SLC44A1: variants seen among roughly 807,000 people sequenced by gnomAD.
SLC44A1 encodes the protein choline transporter-like protein 1.
A neutral mutation model predicts 79.3 loss-of-function variants in SLC44A1; 26 were observed. The observed-to-expected ratio is 0.33, with a 90% CI of 0.24 to 0.46. SLC44A1 has a LOEUF of 0.46. Ranked by LOEUF, SLC44A1 falls within the 20% of genes least tolerant of loss-of-function variation. The pLI is 1.00. For synonymous variants in SLC44A1, 263 were observed against 286.2 expected (o/e 0.92, Z 0.82); for missense variants, 688 against 798.1 (o/e 0.86, Z 1.66).
At position 105,393,354 on chromosome 9, in the gene SLC44A1, T is replaced by C; in HGVS notation, c.*4298T>C. On this transcript the variant is annotated 3_prime_UTR_variant, in exon 16 of 16. Coordinates refer to ENST00000374720, the MANE Select transcript of SLC44A1 (RefSeq NM_080546.5). The stretch of plus-strand genomic sequence containing the variant: ...CCAAATTTTTAAAAAGCAAGACCCT[T>C]GAATATGCCAAGAGAAAATCTAAAG... 2 of 985,224 alleles carry C rather than the reference T, an allele frequency of 2.0e-6. No homozygotes were observed. The highest frequency in any genetic ancestry group is 2.4e-6 in the Non-Finnish European group (2 of 829,784). The allele number at this position is 985,224 out of a possible 1,614,324, so 61.0% of individuals were successfully genotyped here.
rs950466315 is a variant in SLC44A1, at chr9:105,283,989, C to A, written c.37-15231C>A. ...CCATGGTGCAGCCTCAGTTCAGTAG[C>A]CTGAATTGTCTATTCAGCAGTAAAA... On this transcript the variant is annotated intron_variant, in intron 1 of 15. Coordinates refer to ENST00000374720, the MANE Select transcript of SLC44A1 (RefSeq NM_080546.5). Among the ~76,000 whole-genome samples the A allele has an allele frequency of 3.3e-5, 5 of 152,124 alleles. No individual in the cohort carries two copies. In the East Asian group the frequency reaches 9.6e-4, roughly 29 times the overall value.
At chr9:105,364,435 T>C in intron 9 of SLC44A1, 120 bp from the exon 10 acceptor site, 1 of 743,486 alleles carries the variant, frequency 1.3e-6, no homozygotes, top group Non-Finnish European at 2.2e-6. Flanking sequence ...CTTTATGAAA[T>C]ACCACACAGA....
intron 15 of SLC44A1, among the ~76,000 whole-genome samples, chr9:105,409,320 C>A (rs1399937833): frequency 2.0e-5 from 3 of 152,236 alleles, no homozygotes; most frequent in East Asian, 3.9e-4. Flanking sequence ...GCCAGTAAGA[C>A]AAAAATTGTT....
At chr9:105,375,233 T>C (rs1424053760) in intron 13 of SLC44A1, among the ~76,000 whole-genome samples, 1 of 152,114 alleles carries the variant, frequency 6.6e-6, no homozygotes, top group Non-Finnish European at 1.5e-5. Flanking sequence ...AGAGACAGGG[T>C]TTCCCCATGT....
At chr9:105,288,763 C>T (rs967675253) in intron 1 of SLC44A1, among the ~76,000 whole-genome samples, 4 of 152,156 alleles carry the variant, frequency 2.6e-5, no homozygotes, top group South Asian at 2.1e-4. Context: ...ATGTTATCAG[C>T]GTTCTGAAAG....
At chr9:105,415,540 G>A (rs915797923) in intron 15 of SLC44A1, among the ~76,000 whole-genome samples, 1 of 152,202 alleles carries the variant, frequency 6.6e-6, no homozygotes, top group Non-Finnish European at 1.5e-5. Flanking sequence ...TGGGGTGGTC[G>A]TCCTTGAGAG....
At chr9:105,359,882 T>C (rs1388935454) in intron 7 of SLC44A1, among the ~76,000 whole-genome samples, 1 of 152,226 alleles carries the variant, frequency 6.6e-6, no homozygotes, top group African/African-American at 2.4e-5. Context: ...TGCCAACAAA[T>C]AGGTAATGGA....
In SLC44A1 at chr9:105,394,746, A is replaced by G; in HGVS notation, c.*5690A>G. On this transcript the variant is annotated 3_prime_UTR_variant, in exon 16 of 16. Coordinates refer to ENST00000374720, the MANE Select transcript of SLC44A1 (RefSeq NM_080546.5). ...GGGTAGTCCATAGTTGGCAAAAAATAAATTTGGTAGAAAGTTGGAGGAGCA... is the reference window on the plus strand; with the variant it reads ...GGGTAGTCCATAGTTGGCAAAAAATGAATTTGGTAGAAAGTTGGAGGAGCA... 1.0e-6 allele frequency: 1 copy of G among 985,434 alleles called. No individual in the cohort carries two copies. The highest frequency in any genetic ancestry group is 1.2e-6 in the Non-Finnish European group (1 of 829,924). 61.0% of individuals were successfully genotyped at this position (985,434 alleles called of 1,614,324 possible). A position where few individuals can be genotyped will look rare whatever the true frequency, so the allele number is the denominator to read the frequency against.
intron 12 of SLC44A1, among the ~76,000 whole-genome samples, chr9:105,366,751 T>G (rs1352257083): frequency 6.6e-6 from 1 of 152,168 alleles, no homozygotes; most frequent in Non-Finnish European, 1.5e-5. Context: ...AACATTTATC[T>G]CTCATCCCTT....
rs1829376833 is a variant in SLC44A1, at chr9:105,244,662, C to T, written c.-207C>T. On this transcript the variant is annotated 5_prime_UTR_variant, in exon 1 of 16. Transcript: ENST00000374720. ...AGGAGCAGAGCAGGAGACGCGTAGC[C>T]GCCGTCGCCGCCGCCGGGGGATGTG... The T allele has an allele frequency of 1.2e-5, 3 of 254,042 alleles. No homozygotes were observed. The highest frequency in any genetic ancestry group is 1.1e-4 in the Admixed American group (2 of 17,916). 15.7% of individuals were successfully genotyped at this position (254,042 alleles called of 1,614,324 possible).
intron 2 of SLC44A1, among the ~76,000 whole-genome samples, chr9:105,306,374 T>G (rs1475392957): frequency 6.6e-6 from 1 of 152,198 alleles, no homozygotes; most frequent in Non-Finnish European, 1.5e-5. Flanking sequence ...CCACATTTTT[T>G]CCTTTCTGAA....
intron 5 of SLC44A1, among the ~76,000 whole-genome samples, chr9:105,349,371 G>T (rs1286344929): frequency 6.6e-6 from 1 of 152,106 alleles, no homozygotes. Context: ...CTTTCTTTTG[G>T]ATTACTTATG....
At chr9:105,263,540 T>TG (rs1292628585) in intron 1 of SLC44A1, among the ~76,000 whole-genome samples, 4 of 150,176 alleles carry the variant, frequency 2.7e-5, no homozygotes, top group African/African-American at 9.9e-5. Context: ...TGTGTGTATT[T>TG]TTTTTTTTTT....
chr9:105,412,274 A>T (rs1373069614), intron 15 of SLC44A1, among the ~76,000 whole-genome samples: 1 of 152,204 alleles, frequency 6.6e-6, no homozygotes, highest in African/African-American at 2.4e-5. Context: ...CCAGATTGTT[A>T]CTTTTTTCTG....
At chr9:105,385,750 G>A in intron 15 of SLC44A1, 1 of 985,436 alleles carries the variant, frequency 1.0e-6, no homozygotes. Flanking sequence ...GCAGGGGCGG[G>A]TAGGGGATGA....
At chr9:105,335,833 A>T in intron 4 of SLC44A1, 134 bp downstream of exon 4, 1 of 871,788 alleles carries the variant, frequency 1.1e-6, no homozygotes, top group Non-Finnish European at 1.7e-6. Context: ...CTTGCTAAAA[A>T]ATATTATAGT....
intron 4 of SLC44A1, among the ~76,000 whole-genome samples, chr9:105,346,679 G>A (rs1004990643): frequency 6.6e-6 from 1 of 151,914 alleles, no homozygotes; most frequent in African/African-American, 2.4e-5. Flanking sequence ...TAATCTAGTG[G>A]CATTATATTC....
intron 15 of SLC44A1, among the ~76,000 whole-genome samples, chr9:105,402,975 C>CTTTTTTT (rs780060821): frequency 1.1e-4 from 7 of 66,376 alleles, no homozygotes; most frequent in African/African-American, 1.5e-4. Context: ...TCACACCCAG[C>CTTTTTTT]TTTTTTTTTT....
chr9:105,431,086 T>C (rs890919220), intron 15 of SLC44A1, among the ~76,000 whole-genome samples: 7 of 152,238 alleles, frequency 4.6e-5, no homozygotes, highest in African/African-American at 1.7e-4. Flanking sequence ...CCTTGGTTGC[T>C]TGTTCTTTTG....
Sources: allele counts gnomAD v4.1 joint callset (sites outside exome capture counted in the v4.1 genomes callset), GRCh38; gene constraint gnomAD v4.1.1; transcripts MANE v1.5; gene names NCBI Gene and HGNC (gene_info 2026-07-23, HGNC 2026-07-21).